CNKSR2: variants seen among roughly 807,000 people sequenced by gnomAD.
CNKSR2 encodes CNK homolog protein 2.
Under a neutral mutation model 84.4 loss-of-function variants are expected in CNKSR2, and 14 were observed. That is an observed-to-expected ratio of 0.17 (90% confidence interval 0.11 to 0.26). The LOEUF (loss-of-function observed/expected upper bound fraction) is 0.26. CNKSR2 is among the 10% of genes least tolerant of loss of function. The pLI is 1.00. For synonymous variants in CNKSR2, 275 were observed against 277.9 expected (o/e 0.99, Z 0.10); for missense variants, 485 against 771.2 (o/e 0.63, Z 4.40).
At chrX:21,421,720 T>C (rs774251858) in intron 1 of CNKSR2, 1 of 110,714 alleles carries the variant, frequency 9.0e-6, no homozygotes, top group South Asian at 3.9e-4. Context: ...TTTTATTAGC[T>C]TGGGATATAA....
chrX:21,560,162 A>G (rs1444362203), intron 11 of CNKSR2, among the ~76,000 whole-genome samples: 1 of 111,545 alleles, frequency 9.0e-6, no homozygotes, highest in Non-Finnish European at 1.9e-5. Flanking sequence ...GTAGTGTGCT[A>G]GAAATACAAA....
At chrX:21,487,422 T>A (rs970331060) in intron 5 of CNKSR2, among the ~76,000 whole-genome samples, 5 of 111,826 alleles carry the variant, frequency 4.5e-5, no homozygotes, top group Non-Finnish European at 9.4e-5. Flanking sequence ...TATGTATATA[T>A]AGACAGAGAG....
intron 20 of CNKSR2, among the ~76,000 whole-genome samples, chrX:21,617,413 T>G (rs769736495): frequency 6.4e-4 from 71 of 111,757 alleles, no homozygotes; most frequent in African/African-American, 2.3e-3. Context: ...TTAATATGAT[T>G]GCACCATAAA....
intron 6 of CNKSR2, chrX:21,492,968 A>G (rs2091457615): frequency 8.9e-6 from 1 of 112,285 alleles, no homozygotes; most frequent in African/African-American, 3.2e-5. Flanking sequence ...GAGAATACCA[A>G]GATTTAATGA....
In CNKSR2 at chrX:21,552,750, CA is replaced by C. The variant is rs745628600; in HGVS notation, c.1304-8720del. On this transcript the variant is annotated intron_variant, in intron 11 of 21. Coordinates refer to ENST00000379510, the MANE Select transcript of CNKSR2 (RefSeq NM_014927.5). ...AGTAAGAAAAACTATCTAGAAAGAT[CA>C]TTACATGGTGTTCTATACTTCAAGC... Among the ~76,000 whole-genome samples, 5 of 111,944 alleles carry C rather than the reference CA, an allele frequency of 4.5e-5. No homozygotes were observed. In the East Asian group the frequency reaches 1.4e-3, roughly 31 times the overall value.
At chrX:21,644,198 C>G (rs2092700149) in intron 20 of CNKSR2, 1 of 111,692 alleles carries the variant, frequency 9.0e-6, no homozygotes, top group Non-Finnish European at 1.9e-5. Flanking sequence ...TATGTCCAGT[C>G]TTCTCTACCA....
chrX:21,532,596 T>C (rs1399012416), intron 11 of CNKSR2, among the ~76,000 whole-genome samples: 1 of 111,095 alleles, frequency 9.0e-6, no homozygotes, highest in Non-Finnish European at 1.9e-5. Flanking sequence ...ATACTGTATT[T>C]AAGGCAAAAA....
chrX:21,401,996 C>T (rs191688971), intron 1 of CNKSR2, among the ~76,000 whole-genome samples: 1 of 111,325 alleles, frequency 9.0e-6, no homozygotes, highest in African/African-American at 3.2e-5. Context: ...ACCCAGGGTC[C>T]TCTGAATCAA....
chrX:21,527,591 A>C (rs1422914768), intron 10 of CNKSR2, among the ~76,000 whole-genome samples: 1 of 111,074 alleles, frequency 9.0e-6, no homozygotes, highest in African/African-American at 3.3e-5. Context: ...TTGAGGCTGT[A>C]TCTCTATTTC....
chrX:21,435,709 G>A (rs1439749827), intron 3 of CNKSR2, among the ~76,000 whole-genome samples: 3 of 111,497 alleles, frequency 2.7e-5, no homozygotes, highest in Non-Finnish European at 5.7e-5. Context: ...TTGCCAAATC[G>A]ATCTATACTC....
intron 1 of CNKSR2, among the ~76,000 whole-genome samples, chrX:21,387,544 C>A (rs187452186): frequency 3.5e-4 from 39 of 111,925 alleles, no homozygotes; most frequent in African/African-American, 1.1e-3. Context: ...ACACTATTAT[C>A]ACGCCACCGT....
chrX:21,616,739 C>T (rs949777209), intron 20 of CNKSR2, among the ~76,000 whole-genome samples: 15 of 112,023 alleles, frequency 1.3e-4, no homozygotes, highest in African/African-American at 4.9e-4. Flanking sequence ...CCAGATCTTC[C>T]AGCTCTCTTA....
At chrX:21,587,475 C>T (rs1299510350) in intron 13 of CNKSR2, among the ~76,000 whole-genome samples, 1 of 112,038 alleles carries the variant, frequency 8.9e-6, no homozygotes, top group East Asian at 2.8e-4. Flanking sequence ...AGGCCTCTTT[C>T]ATTTTTCAGT....
intron 5 of CNKSR2, among the ~76,000 whole-genome samples, chrX:21,488,864 A>G (rs2147036847): frequency 9.0e-6 from 1 of 111,004 alleles, no homozygotes; most frequent in Admixed American, 9.6e-5. Flanking sequence ...ATAAGAAGCT[A>G]CATACCTCCC....
At chrX:21,477,020 G>A (rs185619069) in intron 5 of CNKSR2, among the ~76,000 whole-genome samples, 3 of 111,803 alleles carry the variant, frequency 2.7e-5, no homozygotes, top group Non-Finnish European at 5.6e-5. Flanking sequence ...CATTGAGTCT[G>A]GAGTGATAAG....
At chrX:21,493,162 G>C (rs1309118544) in intron 6 of CNKSR2, 2 of 112,167 alleles carry the variant, frequency 1.8e-5, no homozygotes, top group African/African-American at 6.5e-5. Context: ...AGCATTGTAA[G>C]GACTGGTGAG....
intron 4 of CNKSR2, among the ~76,000 whole-genome samples, chrX:21,445,311 A>C (rs2090838094): frequency 9.0e-6 from 1 of 111,002 alleles, no homozygotes; most frequent in South Asian, 3.8e-4. Context: ...TTTTTCTTTT[A>C]TTTTTAGTTG....
At chrX:21,511,829 C>T (rs1016432939) in intron 8 of CNKSR2, among the ~76,000 whole-genome samples, 8 of 111,209 alleles carry the variant, frequency 7.2e-5, no homozygotes, top group African/African-American at 2.6e-4. Context: ...GAAAGTTGCT[C>T]AAACCTGTGA....
intron 1 of CNKSR2, among the ~76,000 whole-genome samples, chrX:21,381,010 T>C (rs187087776): frequency 4.5e-5 from 5 of 112,093 alleles, no homozygotes; most frequent in Non-Finnish European, 9.4e-5. Flanking sequence ...CAATGTGGAA[T>C]CATTGTGTTG....
Sources: allele counts gnomAD v4.1 joint callset (sites outside exome capture counted in the v4.1 genomes callset), GRCh38; gene constraint gnomAD v4.1.1; transcripts MANE v1.5; gene names NCBI Gene and HGNC (gene_info 2026-07-23, HGNC 2026-07-21).